The following SLC22A23 variants were observed in gnomAD, a reference collection of about 807,000 sequenced individuals.
SLC22A23 encodes the protein ion transporter protein.
A neutral mutation model predicts 61.0 loss-of-function variants in SLC22A23; 26 were observed. That is an observed-to-expected ratio of 0.43 (90% confidence interval 0.31 to 0.59). The LOEUF (loss-of-function observed/expected upper bound fraction) is 0.59. Ranked by LOEUF, SLC22A23 falls within the 20% of genes least tolerant of loss-of-function variation. The pLI is 0.11. For missense variants in SLC22A23, 796 were observed against 934.7 expected (o/e 0.85, Z 1.94); for synonymous variants, 430 against 413.9 (o/e 1.04, Z -0.47).
rs1411447776 is a variant in SLC22A23 at position 3,271,010 on chromosome 6, C to A, written c.*2045G>T. 1.3e-5 allele frequency: 2 copies of A among 152,424 alleles called. No homozygotes were observed. Among genetic ancestry groups the A allele is most frequent in the Non-Finnish European group, 2.9e-5 (2 of 68,134 alleles). The allele number at this position is 152,424 out of a possible 1,614,324, so 9.4% of individuals were successfully genotyped here. A position where few individuals can be genotyped will look rare whatever the true frequency, so the allele number is the denominator to read the frequency against. On this transcript the variant is annotated 3_prime_UTR_variant, in exon 10 of 10. Transcript: ENST00000406686. Reference sequence around the variant, plus strand: ...GCTCAGGGGCCTCGCTGGATCCTTCCCACCTTCCCCAACTGCCTACTGGCC... The same window carrying A: ...GCTCAGGGGCCTCGCTGGATCCTTCACACCTTCCCCAACTGCCTACTGGCC...
Position 3,289,715 on chromosome 6 carries a change from C to T in SLC22A23, c.1313+49G>A, listed in dbSNP as rs1423604110. 4 of 1,529,042 alleles carry T rather than the reference C, an allele frequency of 2.6e-6. No homozygotes were observed. In the South Asian group the frequency reaches 4.8e-5, roughly 18 times the overall value. The allele number at this position is 1,529,042 out of a possible 1,614,324, so 94.7% of individuals were successfully genotyped here. ...CCTGGGCTTCACCACTCCCCACCTT[C>T]TTCCCTGGCCCCCTCCCACCCAGCT... On this transcript the variant is annotated intron_variant, in intron 6 of 9. Coordinates refer to ENST00000406686, the MANE Select transcript of SLC22A23 (RefSeq NM_015482.2).
In SLC22A23 at chr6:3,427,343, TGA is replaced by T. The variant is rs2127536294; in HGVS notation, c.655-11490_655-11489del. On this transcript the variant is annotated intron_variant, in intron 1 of 9. Coordinates refer to ENST00000406686, the MANE Select transcript of SLC22A23 (RefSeq NM_015482.2). This position sits in a 1 kb window ranked among gnomAD's most constrained non-coding sequence, Gnocchi z 4.3. ...CTGTTGGTAAGTAACATTTTGGATC[TGA>T]GAGTAATAAAACTACTTCAAAAAGG... Among the ~76,000 whole-genome samples the T allele has an allele frequency of 6.6e-6, 1 of 152,130 alleles. No individual in the cohort carries two copies. Among genetic ancestry groups the T allele is most frequent in the Non-Finnish European group, 1.5e-5 (1 of 67,968 alleles).
chr6:3,408,963 G>C (rs1239458622), intron 3 of SLC22A23, among the ~76,000 whole-genome samples: 4 of 152,376 alleles, frequency 2.6e-5, no homozygotes, highest in Admixed American at 1.3e-4. Flanking sequence ...AAAGTGCTTA[G>C]ACCTGTTCCT....
chr6:3,294,938 A>T (rs375069231), intron 5 of SLC22A23, among the ~76,000 whole-genome samples: 1 of 152,096 alleles, frequency 6.6e-6, no homozygotes, highest in Non-Finnish European at 1.5e-5. Context: ...GCCCCACTGG[A>T]CCCCTACACG....
chr6:3,383,934 T>C (rs1364699187), intron 3 of SLC22A23, among the ~76,000 whole-genome samples: 2 of 152,340 alleles, frequency 1.3e-5, no homozygotes, highest in East Asian at 3.9e-4. Context: ...TTTTACAAGA[T>C]TCTTCTGGCT....
rs1441392665 is a variant in SLC22A23 at position 3,328,045 on chromosome 6, T to C, written c.914-4043A>G. On this transcript the variant is annotated intron_variant, in intron 3 of 9. Coordinates refer to ENST00000406686, the MANE Select transcript of SLC22A23 (RefSeq NM_015482.2). The surrounding 1 kb of genome is among the most constrained non-coding windows in gnomAD (Gnocchi z 5.0). ...AATATAATTATTGCCAAGTCGCTCA[T>C]TGGTCTCATTCGACATGGTGAGATC... 2.6e-4 allele frequency among the ~76,000 whole-genome samples: 40 copies of C among 152,064 alleles called. No individual in the cohort carries two copies. The highest frequency in any genetic ancestry group is 2.6e-3 in the Admixed American group (39 of 15,244).
rs1225964957 is a variant in SLC22A23 at position 3,414,650 on chromosome 6, C to T, written c.758+1102G>A. On this transcript the variant is annotated intron_variant, in intron 2 of 9. Transcript: ENST00000406686. The surrounding 1 kb of genome is among the most constrained non-coding windows in gnomAD (Gnocchi z 5.1). ...TCAGTTAACTGAGGTGCAGAGGTCACAGAACCTATAGAATTTGTTCCATAT... is the reference window on the plus strand; with the variant it reads ...TCAGTTAACTGAGGTGCAGAGGTCATAGAACCTATAGAATTTGTTCCATAT... Among the ~76,000 whole-genome samples, 1 of 134,914 alleles carries T rather than the reference C, an allele frequency of 7.4e-6. No homozygotes were observed. The highest frequency in any genetic ancestry group is 2.2e-4 in the East Asian group (1 of 4,450). The allele number at this position is 134,914 out of a possible 152,430, so 88.5% of individuals were successfully genotyped here.
At chr6:3,361,342 C>T (rs72841833) in intron 3 of SLC22A23, among the ~76,000 whole-genome samples, 1 of 150,492 alleles carries the variant, frequency 6.6e-6, no homozygotes, top group Non-Finnish European at 1.5e-5. Context: ...CATCTGTGGC[C>T]ATGACCGTTC....
At position 3,342,891 on chromosome 6, in the gene SLC22A23, T is replaced by C. The variant is rs541920470; in HGVS notation, c.914-18889A>G. On this transcript the variant is annotated intron_variant, in intron 3 of 9. Transcript: ENST00000406686. This position sits in a 1 kb window ranked among gnomAD's most constrained non-coding sequence, Gnocchi z 4.0. ...AATGGCTCAGAGAAGAGGTTGGAATTTGGGGCTTTATATACCATCCTAATG... is the reference window on the plus strand; with the variant it reads ...AATGGCTCAGAGAAGAGGTTGGAATCTGGGGCTTTATATACCATCCTAATG... 1.3e-5 allele frequency among the ~76,000 whole-genome samples: 2 copies of C among 152,180 alleles called. No individual in the cohort carries two copies. Among genetic ancestry groups the C allele is most frequent in the African/African-American group, 2.4e-5 (1 of 41,508 alleles).
Position 3,283,953 on chromosome 6 carries a change from G to C in SLC22A23, c.1602C>G (p.Asp534Glu). The C allele has an allele frequency of 6.2e-7, 1 of 1,607,050 alleles. No individual in the cohort carries two copies. The highest frequency in any genetic ancestry group is 8.5e-7 in the Non-Finnish European group (1 of 1,174,210). The change falls in exon 9 of 10, where the codon GAC (aspartate) becomes GAG (glutamate). Residue 534 changes from aspartate (D) to glutamate (E), a missense_variant. Coordinates refer to ENST00000406686, the MANE Select transcript of SLC22A23 (RefSeq NM_015482.2). ...CGATGGAAAACGCGATGGAAAATTT[G>C]TCCTTGACGCTGTCACTCATCCCTG... is the stretch of plus-strand genomic sequence containing the variant. ...PDSGMSDSVK[D>E]KFSIAFSIVG...
intron 1 of SLC22A23, among the ~76,000 whole-genome samples, chr6:3,424,833 C>T (rs926196566): frequency 2.0e-5 from 3 of 152,220 alleles, no homozygotes; most frequent in Non-Finnish European, 4.4e-5. Context: ...GCCCACATGG[C>T]CTGCAAAGCC....
chr6:3,298,951 C>G (rs1761364088), intron 4 of SLC22A23, among the ~76,000 whole-genome samples: 1 of 141,584 alleles, frequency 7.1e-6, no homozygotes, highest in Non-Finnish European at 1.5e-5. Flanking sequence ...CGCAGTCCGG[C>G]CTGGGCGACA....
rs567080363 is a variant in SLC22A23, at chr6:3,272,735, G to A, written c.*320C>T. On this transcript the variant is annotated 3_prime_UTR_variant, in exon 10 of 10. Coordinates refer to ENST00000406686, the MANE Select transcript of SLC22A23 (RefSeq NM_015482.2). The stretch of plus-strand genomic sequence containing the variant: ...TGTGGCATCTTCCCAGAGCAACTGC[G>A]TCTCGCTGCCCAGGGAGGTGATTCC... 10 of 200,044 alleles carry A rather than the reference G, an allele frequency of 5.0e-5. No individual in the cohort carries two copies. Among genetic ancestry groups the A allele is most frequent in the Admixed American group, 2.7e-4 (5 of 18,288 alleles). The allele number at this position is 200,044 out of a possible 1,614,324, so 12.4% of individuals were successfully genotyped here.
chr6:3,446,120 C>T (rs1276650221), intron 1 of SLC22A23, among the ~76,000 whole-genome samples: 1 of 152,158 alleles, frequency 6.6e-6, no homozygotes, highest in Non-Finnish European at 1.5e-5. Flanking sequence ...CATACAGCAA[C>T]CACCATTCTC....
chr6:3,368,900 T>C (rs988080704), intron 3 of SLC22A23, among the ~76,000 whole-genome samples: 4 of 152,144 alleles, frequency 2.6e-5, no homozygotes, highest in Non-Finnish European at 4.4e-5. Flanking sequence ...TATTTTTACT[T>C]AAACCTATAA....
chr6:3,319,039 G>T (rs1485874958), intron 4 of SLC22A23, among the ~76,000 whole-genome samples: 2 of 152,314 alleles, frequency 1.3e-5, no homozygotes, highest in East Asian at 3.9e-4. Flanking sequence ...CTCTGTCCTG[G>T]CCCTCACCCG....
At chr6:3,436,185 T>C (rs1771198449) in intron 1 of SLC22A23, among the ~76,000 whole-genome samples, 2 of 151,854 alleles carry the variant, frequency 1.3e-5, no homozygotes, top group Non-Finnish European at 2.9e-5. Flanking sequence ...GGAGTCTCAA[T>C]CTGGAGTGCA....
intron 1 of SLC22A23, among the ~76,000 whole-genome samples, chr6:3,417,941 G>GA (rs1463638655): frequency 6.6e-6 from 1 of 152,168 alleles, no homozygotes; most frequent in Non-Finnish European, 1.5e-5. Flanking sequence ...CTGTTTCTAG[G>GA]AAAAAATGTA....
chr6:3,306,673 C>G (rs1761994526), intron 4 of SLC22A23, among the ~76,000 whole-genome samples: 1 of 152,182 alleles, frequency 6.6e-6, no homozygotes, highest in Non-Finnish European at 1.5e-5. Context: ...TCACTGATCC[C>G]CAGGGCTTCT....
Sources: allele counts gnomAD v4.1 joint callset (sites outside exome capture counted in the v4.1 genomes callset), GRCh38; gene constraint gnomAD v4.1.1; non-coding constraint Gnocchi (gnomAD v3.1); transcripts MANE v1.5; gene names NCBI Gene and HGNC (gene_info 2026-07-23, HGNC 2026-07-21).